CA5A: variants seen among roughly 807,000 people sequenced by gnomAD.
CA5A encodes the protein carbonic anhydrase 5A, mitochondrial.
CA5A carries 28 observed loss-of-function variants against 37.1 expected under a neutral mutation model. That is an observed-to-expected ratio of 0.75 (90% CI 0.56 to 1.03). CA5A has a LOEUF of 1.03. Among genes scored for constraint, CA5A ranks in the 50% least tolerant of loss-of-function variants. The pLI is 0.00. For synonymous variants in CA5A, 171 were observed against 158.4 expected (o/e 1.08, Z -0.60); for missense variants, 444 against 399.9 (o/e 1.11, Z -0.94).
intron 2 of CA5A, chr16:87,924,364 G>A (rs1392747310): frequency 1.0e-6 from 1 of 966,102 alleles, no homozygotes; most frequent in Non-Finnish European, 1.2e-6. Flanking sequence ...GACACTGGAA[G>A]GACCAAGCCG....
intron 4 of CA5A, 65 bp downstream of exon 4, chr16:87,902,360 A>T (rs1268531545): frequency 9.8e-7 from 1 of 1,018,120 alleles, no homozygotes; most frequent in Non-Finnish European, 1.5e-6. Context: ...CTCAAAAAAA[A>T]AAAAGCAATC....
At chr16:87,899,536 C>T (rs1379119019) in intron 5 of CA5A, among the ~76,000 whole-genome samples, 1 of 150,962 alleles carries the variant, frequency 6.6e-6, no homozygotes, top group Non-Finnish European at 1.5e-5. Context: ...CACCTGACCT[C>T]AAGTGATAAG....
rs576679899 is a variant in CA5A at position 87,915,390 on chromosome 16, C to T, written c.341-10486G>A. 6.6e-5 allele frequency among the ~76,000 whole-genome samples: 10 copies of T among 152,132 alleles called. No homozygotes were observed. In the East Asian group the frequency reaches 1.7e-3, roughly 26 times the overall value. On this transcript the variant is annotated intron_variant, in intron 2 of 6. Transcript: ENST00000649794. ...CGATGTTTACAAAGGAAAAACAAGG[C>T]CAGGCGTGGTGGAGTGAGCCTGTAG...
chr16:87,916,019 C>T (rs1181934826), intron 2 of CA5A, among the ~76,000 whole-genome samples: 1 of 151,808 alleles, frequency 6.6e-6, no homozygotes, highest in Admixed American at 6.6e-5. Context: ...TGCATGGGGG[C>T]AGCCAAGAGA....
intron 2 of CA5A, among the ~76,000 whole-genome samples, chr16:87,906,536 A>G (rs34263638): frequency 0.21 from 31,315 of 151,982 alleles, 3,306 homozygotes; most frequent in South Asian, 0.28. Flanking sequence ...CTGAGGCAGG[A>G]GAATTGCTCG....
intron 5 of CA5A, among the ~76,000 whole-genome samples, chr16:87,894,199 G>T (rs1567515889): frequency 6.6e-6 from 1 of 152,026 alleles, no homozygotes; most frequent in African/African-American, 2.4e-5. Context: ...CATGATCTCA[G>T]CTCACGGTGG....
intron 2 of CA5A, among the ~76,000 whole-genome samples, chr16:87,909,362 C>T (rs2056015224): frequency 6.6e-6 from 1 of 152,190 alleles, no homozygotes; most frequent in Admixed American, 6.5e-5. Flanking sequence ...CAAGCACGCT[C>T]AGGGGAAAAC....
At chr16:87,919,430 T>C (rs1674557291) in intron 2 of CA5A, among the ~76,000 whole-genome samples, 1 of 152,164 alleles carries the variant, frequency 6.6e-6, no homozygotes, top group Non-Finnish European at 1.5e-5. Flanking sequence ...GGATGGTGGC[T>C]GGAACTGCCG....
chr16:87,909,895 C>G (rs2056025473), intron 2 of CA5A, among the ~76,000 whole-genome samples: 1 of 152,174 alleles, frequency 6.6e-6, no homozygotes, highest in African/African-American at 2.4e-5. Flanking sequence ...GACGCACGTT[C>G]AGAAGCTGGG....
At chr16:87,924,255 A>C in intron 2 of CA5A, 1 of 985,434 alleles carries the variant, frequency 1.0e-6, no homozygotes, top group Non-Finnish European at 1.2e-6. Flanking sequence ...CCACACGGGA[A>C]GCATCCGCGG....
intron 2 of CA5A, among the ~76,000 whole-genome samples, chr16:87,914,216 C>A (rs1439507365): frequency 6.6e-6 from 1 of 152,220 alleles, no homozygotes; most frequent in Non-Finnish European, 1.5e-5. Flanking sequence ...TTTGCAGGAG[C>A]TCCGAGCAGT....
At chr16:87,930,092 C>G (rs1567539094) in intron 1 of CA5A, among the ~76,000 whole-genome samples, 2 of 152,254 alleles carry the variant, frequency 1.3e-5, no homozygotes, top group African/African-American at 4.8e-5. Flanking sequence ...TGGTTTTTCT[C>G]TCCCCCATCA....
At chr16:87,896,831 G>A (rs2055809238) in intron 5 of CA5A, among the ~76,000 whole-genome samples, 1 of 152,144 alleles carries the variant, frequency 6.6e-6, no homozygotes, top group East Asian at 1.9e-4. Context: ...ATAGAGATGG[G>A]GTTTCTCTAT....
intron 1 of CA5A, among the ~76,000 whole-genome samples, chr16:87,929,871 CAAAA>C (rs58941982): frequency 1.6e-4 from 10 of 62,340 alleles, no homozygotes; most frequent in East Asian, 5.8e-4. Flanking sequence ...GACTCCGTCT[CAAAA>C]AAAAAAAAAA....
At chr16:87,898,375 G>A (rs1411296202) in intron 5 of CA5A, among the ~76,000 whole-genome samples, 1 of 152,192 alleles carries the variant, frequency 6.6e-6, no homozygotes, top group Non-Finnish European at 1.5e-5. Context: ...AGGCCACCAT[G>A]GCCCTGTCCT....
chr16:87,914,480 C>A (rs1371312487), intron 2 of CA5A, among the ~76,000 whole-genome samples: 1 of 152,206 alleles, frequency 6.6e-6, no homozygotes, highest in Admixed American at 6.5e-5. Context: ...CCGTTCAGCC[C>A]CGCTGCACCC....
chr16:87,931,002 G>C (rs1276198311), intron 1 of CA5A, among the ~76,000 whole-genome samples: 3 of 151,948 alleles, frequency 2.0e-5, no homozygotes, highest in Non-Finnish European at 4.4e-5. Flanking sequence ...GCCTCCCAAA[G>C]TGCTGGGATT....
chr16:87,913,109 G>C (rs1363704193), intron 2 of CA5A, among the ~76,000 whole-genome samples: 3 of 151,610 alleles, frequency 2.0e-5, no homozygotes, highest in Non-Finnish European at 4.4e-5. Context: ...GCCTCCTGTA[G>C]CTGGGATTAC....
At chr16:87,910,414 G>C (rs528252060) in intron 2 of CA5A, among the ~76,000 whole-genome samples, 14 of 152,290 alleles carry the variant, frequency 9.2e-5, no homozygotes, top group African/African-American at 3.1e-4. Flanking sequence ...TTGAGACGCA[G>C]AGAGGTTCGG....
Sources: gnomAD v4.1 joint callset for allele counts (sites outside exome capture counted in the v4.1 genomes callset) on GRCh38, gnomAD v4.1.1 for gene constraint, MANE v1.5 for transcripts, NCBI Gene and HGNC (gene_info 2026-07-23, HGNC 2026-07-21) for gene names.